The following RAB30 variants were observed in gnomAD, a reference collection of about 807,000 sequenced individuals.
RAB30 encodes ras-related protein Rab-30.
RAB30 carries 9 observed loss-of-function variants against 25.1 expected under a neutral mutation model. That is an observed-to-expected ratio of 0.36 (90% CI 0.22 to 0.63). The LOEUF is 0.63. Among genes scored for constraint, RAB30 ranks in the 20% least tolerant of loss-of-function variants. The pLI is 0.69. For synonymous variants in RAB30, 77 were observed against 86.4 expected (o/e 0.89, Z 0.60); for missense variants, 140 against 243.5 (o/e 0.58, Z 2.83).
chr11:83,039,422 T>C (rs1438632770), intron 1 of RAB30, among the ~76,000 whole-genome samples: 4 of 152,222 alleles, frequency 2.6e-5, no homozygotes, highest in African/African-American at 7.2e-5. Context: ...CTCCTGACTA[T>C]AGTCCCAGCA....
intron 1 of RAB30, among the ~76,000 whole-genome samples, chr11:83,017,957 G>C (rs1309921687): frequency 1.3e-5 from 2 of 152,168 alleles, no homozygotes; most frequent in Non-Finnish European, 2.9e-5. Flanking sequence ...TCTCTGTACA[G>C]TTTTCCATAG....
chr11:82,988,455 G>A (rs1219132187), intron 3 of RAB30, among the ~76,000 whole-genome samples: 2 of 152,162 alleles, frequency 1.3e-5, no homozygotes, highest in African/African-American at 4.8e-5. Flanking sequence ...TCATGCCATG[G>A]CAGACAACAA....
intron 1 of RAB30, among the ~76,000 whole-genome samples, chr11:83,070,423 C>G (rs1034933031): frequency 2.0e-5 from 3 of 152,218 alleles, no homozygotes; most frequent in Non-Finnish European, 4.4e-5. Context: ...CAGCAGAAGA[C>G]AGCCAGTAAA....
chr11:83,004,898 C>T (rs1471952084), intron 1 of RAB30, among the ~76,000 whole-genome samples: 1 of 152,102 alleles, frequency 6.6e-6, no homozygotes, highest in Non-Finnish European at 1.5e-5. Context: ...TCCCTGGAAG[C>T]TCATTATTGC....
intron 1 of RAB30, chr11:83,034,454 A>G (rs929834295): frequency 6.6e-6 from 1 of 152,234 alleles, no homozygotes; most frequent in African/African-American, 2.4e-5. Context: ...CATAGCAGCC[A>G]CTTCGCAGAG....
At chr11:83,022,975 G>GTATATA (rs10661823) in intron 1 of RAB30, among the ~76,000 whole-genome samples, 153 of 150,396 alleles carry the variant, frequency 1.0e-3, no homozygotes, top group Non-Finnish European at 1.5e-3. Context: ...GTATGTATGT[G>GTATATA]TATATATATA....
intron 1 of RAB30, among the ~76,000 whole-genome samples, chr11:83,032,003 C>T (rs1457129476): frequency 1.3e-5 from 2 of 152,178 alleles, no homozygotes; most frequent in Non-Finnish European, 2.9e-5. Context: ...CTTTGACCTA[C>T]CCCTTGAGAG....
Position 82,979,953 on chromosome 11 carries a change from T to G in RAB30, c.*2212A>C, listed in dbSNP as rs1000474114. On this transcript the variant is annotated 3_prime_UTR_variant, in exon 5 of 5. Coordinates refer to ENST00000527633, the MANE Select transcript of RAB30 (RefSeq NM_001286060.2). ...AGGTATTATTTTGCAACTAAATCAG[T>G]CCAATCTAACACAGCCATTTCCTCT... is the stretch of plus-strand genomic sequence containing the variant. The G allele has an allele frequency of 1.4e-4, 21 of 152,188 alleles. No homozygotes were observed. The highest frequency in any genetic ancestry group is 5.1e-4 in the African/African-American group (21 of 41,452). The allele number at this position is 152,188 out of a possible 1,614,324, so 9.4% of individuals were successfully genotyped here. A position where few individuals can be genotyped will look rare whatever the true frequency, so the allele number is the denominator to read the frequency against.
In RAB30 at chr11:82,979,940, G is replaced by A. The variant is rs1398131001; in HGVS notation, c.*2225C>T. The A allele has an allele frequency of 7.2e-5, 11 of 152,128 alleles. No individual in the cohort carries two copies. 9.4% of individuals were successfully genotyped at this position (152,128 alleles called of 1,614,324 possible). On this transcript the variant is annotated 3_prime_UTR_variant, in exon 5 of 5. Transcript: ENST00000527633. ...GTGTGACCCTAAAAGGTATTATTTT[G>A]CAACTAAATCAGTCCAATCTAACAC...
At chr11:83,016,388 T>A (rs1016286037) in intron 1 of RAB30, among the ~76,000 whole-genome samples, 5 of 152,210 alleles carry the variant, frequency 3.3e-5, no homozygotes, top group African/African-American at 1.2e-4. Flanking sequence ...AGTTAAAAAA[T>A]AAATTTATTT....
rs994240000 is a variant in RAB30, at chr11:83,021,797, G to A, written c.-8-24473C>T. Reference sequence around the variant, plus strand: ...ATCCCATGTCACTACCTCAAGGGCTGTTGTGAGATTTAAATGAGATATTTT... The same window carrying A: ...ATCCCATGTCACTACCTCAAGGGCTATTGTGAGATTTAAATGAGATATTTT... On this transcript the variant is annotated intron_variant, in intron 1 of 4. Coordinates refer to ENST00000527633, the MANE Select transcript of RAB30 (RefSeq NM_001286060.2). 2.6e-5 allele frequency among the ~76,000 whole-genome samples: 4 copies of A among 152,250 alleles called. No individual in the cohort carries two copies. The East Asian group carries it at 5.8e-4, about 22-fold the overall frequency.
chr11:83,044,067 G>A (rs1858187111), intron 1 of RAB30, among the ~76,000 whole-genome samples: 1 of 151,888 alleles, frequency 6.6e-6, no homozygotes, highest in African/African-American at 2.4e-5. Flanking sequence ...TTTGTGTAGG[G>A]TTGGATGGGA....
chr11:83,039,020 A>G (rs1402930400), intron 1 of RAB30: 2 of 152,160 alleles, frequency 1.3e-5, no homozygotes, highest in Non-Finnish European at 2.9e-5. Flanking sequence ...CTTATCCAAG[A>G]GTCATATAAT....
At chr11:83,003,029 G>T (rs1361020525) in intron 1 of RAB30, among the ~76,000 whole-genome samples, 4 of 152,174 alleles carry the variant, frequency 2.6e-5, no homozygotes, top group Admixed American at 6.5e-5. Flanking sequence ...TCTGTAAATG[G>T]AGGGGCTGGG....
intron 1 of RAB30, among the ~76,000 whole-genome samples, chr11:83,024,736 T>A (rs117451196): frequency 0.017 from 2,552 of 152,344 alleles, 56 homozygotes; most frequent in East Asian, 0.075. Flanking sequence ...AACACAACAC[T>A]GAAATGCTAC....
intron 2 of RAB30, 41 bp downstream of exon 2, chr11:82,997,183 C>T: frequency 6.5e-7 from 1 of 1,533,712 alleles, no homozygotes; most frequent in Non-Finnish European, 9.0e-7. Flanking sequence ...GACTGACAAA[C>T]CCAACCCTGG....
At chr11:83,025,644 G>C (rs533163676) in intron 1 of RAB30, among the ~76,000 whole-genome samples, 4 of 152,188 alleles carry the variant, frequency 2.6e-5, no homozygotes, top group Non-Finnish European at 5.9e-5. Context: ...ACGTATAGCT[G>C]TTACTTCACA....
intron 1 of RAB30, among the ~76,000 whole-genome samples, chr11:83,002,224 C>A (rs1224020884): frequency 6.6e-6 from 1 of 151,094 alleles, no homozygotes; most frequent in Non-Finnish European, 1.5e-5. Context: ...GTTCTAGAAT[C>A]TCCCTGCTCC....
At chr11:83,022,383 T>C (rs2121512529) in intron 1 of RAB30, among the ~76,000 whole-genome samples, 1 of 152,298 alleles carries the variant, frequency 6.6e-6, no homozygotes, top group Non-Finnish European at 1.5e-5. Flanking sequence ...GGTCTTGAAC[T>C]CCTGGCCTCA....
Sources: gnomAD v4.1 joint callset for allele counts (sites outside exome capture counted in the v4.1 genomes callset) on GRCh38, gnomAD v4.1.1 for gene constraint, MANE v1.5 for transcripts, NCBI Gene and HGNC (gene_info 2026-07-23, HGNC 2026-07-21) for gene names.